SEPTIN4: variants seen among roughly 807,000 people sequenced by gnomAD.
The protein encoded by SEPTIN4 is septin 4.
A neutral mutation model predicts 107.1 loss-of-function variants in SEPTIN4; 52 were observed. The ratio of observed to expected loss-of-function variants is 0.49; its 90% CI spans 0.39 to 0.61. SEPTIN4 has a LOEUF of 0.61. Ranked by LOEUF, SEPTIN4 falls within the 20% of genes least tolerant of loss-of-function variation. The probability of loss-of-function intolerance (pLI) is 0.00; values close to 1 mark genes in which losing one functional copy is unlikely to be tolerated. For missense variants in SEPTIN4, 1,048 were observed against 1,243.5 expected (o/e 0.84, Z 2.36); for synonymous variants, 417 against 467.0 (o/e 0.89, Z 1.38).
In SEPTIN4 at chr17:58,526,276, T is replaced by C. The variant is rs1369844547; in HGVS notation, c.1949A>G (p.Asn650Ser). 1 of 1,603,718 alleles carries C rather than the reference T, an allele frequency of 6.2e-7. No individual in the cohort carries two copies. The highest frequency in any genetic ancestry group is 1.7e-5 in the Admixed American group (1 of 58,438). Residue 650 changes from asparagine to serine, a missense_variant, in exon 5 of 14, where the codon AAC becomes AGC. Coordinates refer to ENST00000672673, the MANE Select transcript of SEPTIN4 (RefSeq NM_001368771.2). Reference sequence around the variant, plus strand: ...CTTCACGGACTTTCGGTGGACTTGGTTGGGGAGGGTTGCAAAGCCCACATA... The same window carrying C: ...CTTCACGGACTTTCGGTGGACTTGGCTGGGGAGGGTTGCAAAGCCCACATA... ...KEYVGFATLP[N>S]QVHRKSVKKG...
At chr17:58,529,126 T>A in intron 3 of SEPTIN4, 1 of 1,614,180 alleles carries the variant, frequency 6.2e-7, no homozygotes, top group South Asian at 1.1e-5. Flanking sequence ...CCAGCTTCAG[T>A]CCTGTCCTCA....
chr17:58,526,946 A>G lies in SEPTIN4; in HGVS notation c.1647T>C (p.Asp549=), dbSNP rs958292582. The G allele has an allele frequency of 1.2e-6, 2 of 1,614,010 alleles. No homozygotes were observed. The highest frequency in any genetic ancestry group is 4.5e-5 in the East Asian group (2 of 44,874). ...IKRFLEDTTD[D]GELSKFVKDF... Reference sequence around the variant, plus strand: ...CCTTCACGAACTTGCTCAGTTCTCCATCATCCGTGGTGTCCTCCAGGAAAC... The same window carrying G: ...CCTTCACGAACTTGCTCAGTTCTCCGTCATCCGTGGTGTCCTCCAGGAAAC... The change falls in exon 4 of 14, where the codon GAT becomes GAC. Residue 549 remains aspartate, a synonymous_variant. Transcript: ENST00000672673.
rs762357522 is a variant in SEPTIN4, at chr17:58,525,049, C to A, written c.2216+29G>T. 7.4e-6 allele frequency: 12 copies of A among 1,613,606 alleles called. No homozygotes were observed. The African/African-American group carries it at 1.6e-4, about 22-fold the overall frequency. ...TGTATGGAGAAGGGTGGCTCAGGGG[C>A]AGCTGGGATTGTGCTTACTCAGACA... On this transcript the variant is annotated intron_variant, in intron 7 of 13. Coordinates refer to ENST00000672673, the MANE Select transcript of SEPTIN4 (RefSeq NM_001368771.2).
chr17:58,529,473 T>C (rs1598298319), intron 3 of SEPTIN4: 7 of 1,300,524 alleles, frequency 5.4e-6, no homozygotes, highest in Non-Finnish European at 6.9e-6. Context: ...TGATTGGCTG[T>C]CCCATGACGC....
Position 58,520,406 on chromosome 17 carries a change from TA to T in SEPTIN4, c.*19del. ...CAGGAAGAAGAGGAGGAGATTTAAA[TA>T]TCCAGGGCTGAAAGCCAGTTAATAG... On this transcript the variant is annotated 3_prime_UTR_variant, in exon 14 of 14. Coordinates refer to ENST00000672673, the MANE Select transcript of SEPTIN4 (RefSeq NM_001368771.2). The T allele has an allele frequency of 6.2e-7, 1 of 1,611,570 alleles. No individual in the cohort carries two copies. The highest frequency in any genetic ancestry group is 8.5e-7 in the Non-Finnish European group (1 of 1,179,212).
chr17:58,536,550 G>A lies in SEPTIN4; in HGVS notation c.1614+4116C>T, dbSNP rs538463945. Reference sequence around the variant, plus strand: ...GCTGGTGCTTGGTCTCAGACCTACCGACCCAAATTCCCAGAAACAGCCACT... The same window carrying A: ...GCTGGTGCTTGGTCTCAGACCTACCAACCCAAATTCCCAGAAACAGCCACT... On this transcript the variant is annotated intron_variant, in intron 3 of 13. Coordinates refer to ENST00000672673, the MANE Select transcript of SEPTIN4 (RefSeq NM_001368771.2). Among the ~76,000 whole-genome samples, 222 of 152,266 alleles carry A rather than the reference G, an allele frequency of 1.5e-3. 1 individual carries two copies. Among genetic ancestry groups the A allele is most frequent in the Non-Finnish European group, 2.3e-3 (154 of 68,024 alleles).
chr17:58,542,913 G>C lies in SEPTIN4; in HGVS notation c.1274C>G (p.Ser425Cys), dbSNP rs749457055. 51 of 1,614,072 alleles carry C rather than the reference G, an allele frequency of 3.2e-5. No homozygotes were observed. Among genetic ancestry groups the C allele is most frequent in the Non-Finnish European group, 4.1e-5 (48 of 1,180,032 alleles). The change falls in exon 1 of 14, where the codon TCC (serine) becomes TGC (cysteine). Residue 425 changes from serine (S) to cysteine (C), a missense_variant. By Grantham distance (112) the Ser-to-Cys change is moderately radical. Coordinates refer to ENST00000672673, the MANE Select transcript of SEPTIN4 (RefSeq NM_001368771.2). ...AGGATTCAGCAAGGGCCACCATGAG[G>C]AGTCAGGTCCGTACCTAGGTAAGGA... is the stretch of plus-strand genomic sequence containing the variant. Reference protein sequence around the residue: ...PRSLPRYGPDSSWWPLLNPEV... With the variant: ...PRSLPRYGPDCSWWPLLNPEV...
intron 4 of SEPTIN4, 107 bp from the exon 5 acceptor site, chr17:58,526,420 G>C: frequency 7.3e-7 from 1 of 1,376,428 alleles, no homozygotes; most frequent in Non-Finnish European, 9.4e-7. Flanking sequence ...CCTTAAAAAA[G>C]CAGTGCCAGA....
chr17:58,539,115 C>T (rs2043809977), intron 3 of SEPTIN4: 1 of 1,530,032 alleles, frequency 6.5e-7, no homozygotes, highest in Non-Finnish European at 8.7e-7. Context: ...ATCCTACCTC[C>T]AGAGAGTCAG....
Position 58,538,924 on chromosome 17 carries a change from A to C in SEPTIN4, c.1614+1742T>G, listed in dbSNP as rs2043803024. Among the ~76,000 whole-genome samples, 3 of 152,230 alleles carry C rather than the reference A, an allele frequency of 2.0e-5. No individual in the cohort carries two copies. Among genetic ancestry groups the C allele is most frequent in the Non-Finnish European group, 4.4e-5 (3 of 68,032 alleles). On this transcript the variant is annotated intron_variant, in intron 3 of 13. Coordinates refer to ENST00000672673, the MANE Select transcript of SEPTIN4 (RefSeq NM_001368771.2). The surrounding 1 kb of genome is among the most constrained non-coding windows in gnomAD (Gnocchi z 4.7). Reference sequence around the variant, plus strand: ...AGGCCACCAGAGAATTCCTGCCAGGAATGGAATCTGGAACAGACTCTATGG... The same window carrying C: ...AGGCCACCAGAGAATTCCTGCCAGGCATGGAATCTGGAACAGACTCTATGG...
intron 3 of SEPTIN4, chr17:58,529,875 T>A (rs2043314901): frequency 6.6e-6 from 1 of 151,754 alleles, no homozygotes. Flanking sequence ...GCAGGGAGCA[T>A]CAGCCACAGA....
intron 3 of SEPTIN4, among the ~76,000 whole-genome samples, chr17:58,535,264 T>C (rs550009111): frequency 1.3e-5 from 2 of 152,322 alleles, no homozygotes; most frequent in South Asian, 4.1e-4. Flanking sequence ...ACACTGTGTT[T>C]CCTGGCACCT....
In SEPTIN4 at chr17:58,521,699, G is replaced by C. The variant is rs375188387; in HGVS notation, c.2469+37C>G. 8.1e-6 allele frequency: 13 copies of C among 1,614,084 alleles called. No individual in the cohort carries two copies. Among genetic ancestry groups the C allele is most frequent in the Non-Finnish European group, 1.1e-5 (13 of 1,180,036 alleles). ...TCTGGGGACCACATCCTTTCTAGAA[G>C]CCCACCTGATCCCCTCCCACCACCA... On this transcript the variant is annotated intron_variant, in intron 9 of 13. Coordinates refer to ENST00000672673, the MANE Select transcript of SEPTIN4 (RefSeq NM_001368771.2). The surrounding 1 kb of genome is among the most constrained non-coding windows in gnomAD (Gnocchi z 6.4).
rs1255110171 is a variant in SEPTIN4 at position 58,520,610 on chromosome 17, G to A, written c.2932-125C>T. On this transcript the variant is annotated intron_variant, in intron 13 of 13. Transcript: ENST00000672673. Reference sequence around the variant, plus strand: ...GCCGTGAGGTGTGATGGAGACTCTGGACAGAACCACCTATTGACCTATCCA... The same window carrying A: ...GCCGTGAGGTGTGATGGAGACTCTGAACAGAACCACCTATTGACCTATCCA... 8.7e-6 allele frequency: 13 copies of A among 1,501,852 alleles called. No individual in the cohort carries two copies. The South Asian group carries it at 9.1e-5, about 11-fold the overall frequency. 93.0% of individuals were successfully genotyped at this position (1,501,852 alleles called of 1,614,324 possible).
At chr17:58,535,580 C>A (rs1162004523) in intron 3 of SEPTIN4, among the ~76,000 whole-genome samples, 2 of 152,238 alleles carry the variant, frequency 1.3e-5, no homozygotes, top group African/African-American at 4.8e-5. Flanking sequence ...GAGCCAAAAT[C>A]TGTCTTTCCC....
In SEPTIN4 at chr17:58,521,826, C is replaced by T. The variant is rs1427440378; in HGVS notation, c.2379G>A (p.Met793Ile). ...HGLRPLDVEF[M>I]KALHQRVNIV... ...TGTTGACCCGCTGATGCAGGGCCTT[C>T]ATGAATTCAACATCCAATGGCCGGA... is the stretch of plus-strand genomic sequence containing the variant. The change falls in exon 9 of 14, where the codon ATG (methionine) becomes ATA (isoleucine). Residue 793 changes from methionine (M) to isoleucine (I), a missense_variant. Transcript: ENST00000672673. This position sits in a 1 kb window ranked among gnomAD's most constrained non-coding sequence, Gnocchi z 6.4. 1 of 1,614,108 alleles carries T rather than the reference C, an allele frequency of 6.2e-7. No homozygotes were observed.
chr17:58,530,467 A>G (rs909712506), intron 3 of SEPTIN4: 1 of 152,258 alleles, frequency 6.6e-6, no homozygotes, highest in Non-Finnish European at 1.5e-5. Flanking sequence ...CTCATAGAGG[A>G]GTCTGATCTG....
chr17:58,537,826 T>C, intron 3 of SEPTIN4, among the ~76,000 whole-genome samples: 1 of 114,134 alleles, frequency 8.8e-6, no homozygotes, highest in African/African-American at 3.7e-5. Context: ...CGAGACTCTG[T>C]CTCAAAAAAA....
At chr17:58,528,800 G>A (rs529129247) in intron 3 of SEPTIN4, among the ~76,000 whole-genome samples, 6 of 152,330 alleles carry the variant, frequency 3.9e-5, no homozygotes, top group African/African-American at 1.4e-4. Context: ...TTTCCCAGGA[G>A]CACTGAGTGG....
Sources: allele counts gnomAD v4.1 joint callset (sites outside exome capture counted in the v4.1 genomes callset), GRCh38; gene constraint gnomAD v4.1.1; non-coding constraint Gnocchi (gnomAD v3.1); transcripts MANE v1.5; gene names NCBI Gene and HGNC (gene_info 2026-07-23, HGNC 2026-07-21).